The following PRSS23 variants were observed in gnomAD, a reference collection of about 807,000 sequenced individuals.
PRSS23 encodes serine protease 23.
Under a neutral mutation model 34.7 loss-of-function variants are expected in PRSS23, and 25 were observed. The ratio of observed to expected loss-of-function variants is 0.72; its 90% CI spans 0.53 to 1.01. The LOEUF (loss-of-function observed/expected upper bound fraction) is 1.01, where lower values mean the gene tolerates loss of function less well. Ranked by LOEUF, PRSS23 falls within the 50% of genes least tolerant of loss-of-function variation. PRSS23 has a pLI of 0.00. For synonymous variants in PRSS23, 176 were observed against 186.6 expected (o/e 0.94, Z 0.46); for missense variants, 445 against 475.6 (o/e 0.94, Z 0.60).
At chr11:86,793,373 G>T (rs1249185467) in intron 1 of PRSS23, among the ~76,000 whole-genome samples, 1 of 152,210 alleles carries the variant, frequency 6.6e-6, no homozygotes, top group Non-Finnish European at 1.5e-5. Context: ...CCATGGTAGA[G>T]CAACTCAGAA....
chr11:86,896,305 G>A (rs960135589), intron 2 of PRSS23: 4 of 151,414 alleles, frequency 2.6e-5, no homozygotes, highest in Non-Finnish European at 5.9e-5. Flanking sequence ...TAGGGAAGCA[G>A]AATGGAATGA....
intron 1 of PRSS23, among the ~76,000 whole-genome samples, chr11:86,817,150 T>G (rs1565354134): frequency 6.6e-6 from 1 of 152,200 alleles, no homozygotes; most frequent in Admixed American, 6.5e-5. Flanking sequence ...TTGTGATTTT[T>G]TTTATTGCCT....
intron 2 of PRSS23, among the ~76,000 whole-genome samples, chr11:86,859,956 G>T (rs1948601527): frequency 6.6e-6 from 1 of 151,992 alleles, no homozygotes; most frequent in Non-Finnish European, 1.5e-5. Context: ...AAGGAAGGAA[G>T]AGGATAATAT....
intron 2 of PRSS23, among the ~76,000 whole-genome samples, chr11:86,847,629 C>G (rs372424517): frequency 3.8e-4 from 58 of 152,284 alleles, no homozygotes; most frequent in Admixed American, 2.2e-3. Context: ...AAACCGGACA[C>G]TCCCTTAAGA....
chr11:86,893,203 T>C (rs1342227220), intron 2 of PRSS23, among the ~76,000 whole-genome samples: 1 of 152,200 alleles, frequency 6.6e-6, no homozygotes, highest in Non-Finnish European at 1.5e-5. Context: ...CCCCTAGAGC[T>C]TTCAAAGAGA....
intron 2 of PRSS23, chr11:86,936,503 G>A (rs1487640019): frequency 6.6e-6 from 1 of 152,202 alleles, no homozygotes; most frequent in South Asian, 2.1e-4. Flanking sequence ...CCGACCTCAG[G>A]TGATCCGACC....
intron 2 of PRSS23, chr11:86,950,412 T>C (rs1175787512): frequency 1.3e-5 from 2 of 152,496 alleles, no homozygotes; most frequent in African/African-American, 4.8e-5. Flanking sequence ...TAACATAAAA[T>C]GAAGAAAACA....
intron 2 of PRSS23, among the ~76,000 whole-genome samples, chr11:86,861,527 A>G (rs1249775466): frequency 6.6e-6 from 1 of 150,988 alleles, no homozygotes; most frequent in East Asian, 2.0e-4. Context: ...GATATTGTTC[A>G]TAATATCCAG....
chr11:86,823,466 G>T (rs1312285386), exon 2 of PRSS23: 7 of 702,338 alleles, frequency 1.0e-5, no homozygotes, highest in African/African-American at 3.5e-5. Flanking sequence ...GGGCTCAACA[G>T]TTTCGAATTC....
At chr11:86,843,598 G>A (rs1012713403) in intron 2 of PRSS23, among the ~76,000 whole-genome samples, 1 of 152,086 alleles carries the variant, frequency 6.6e-6, no homozygotes, top group African/African-American at 2.4e-5. Context: ...ATCAAAAAGT[G>A]GGCAAAGAAT....
intron 1 of PRSS23, chr11:86,823,232 C>A (rs550157670): frequency 3.3e-6 from 2 of 611,098 alleles, no homozygotes; most frequent in East Asian, 2.7e-5. Context: ...TATTCCTAAT[C>A]TGTAAAAGCA....
chr11:86,882,782 T>G (rs1200528432), intron 2 of PRSS23, among the ~76,000 whole-genome samples: 1 of 152,232 alleles, frequency 6.6e-6, no homozygotes, highest in African/African-American at 2.4e-5. Context: ...CGCCACATTG[T>G]CTTCCACAAT....
At chr11:86,949,977 C>T (rs1371832182) in intron 2 of PRSS23, 1 of 152,346 alleles carries the variant, frequency 6.6e-6, no homozygotes, top group Non-Finnish European at 1.5e-5. Context: ...ATTCTGATAA[C>T]ATTCTTATGC....
At chr11:86,791,847 G>T (rs369228812) in intron 1 of PRSS23, among the ~76,000 whole-genome samples, 2 of 152,184 alleles carry the variant, frequency 1.3e-5, no homozygotes, top group African/African-American at 4.8e-5. Flanking sequence ...CCATGTGTAA[G>T]AGCTGAAAAA....
At chr11:86,842,130 A>G (rs899036495) in intron 2 of PRSS23, among the ~76,000 whole-genome samples, 4 of 152,242 alleles carry the variant, frequency 2.6e-5, no homozygotes, top group Non-Finnish European at 5.9e-5. Context: ...TGTTCAACAT[A>G]CACAAATCAA....
intron 2 of PRSS23, among the ~76,000 whole-genome samples, chr11:86,843,487 C>T (rs1315185982): frequency 6.6e-6 from 1 of 152,116 alleles, no homozygotes; most frequent in Non-Finnish European, 1.5e-5. Flanking sequence ...AACAGGCAAC[C>T]TACAGAATGG....
At chr11:86,920,943 T>C (rs966176874) in intron 2 of PRSS23, among the ~76,000 whole-genome samples, 3 of 152,192 alleles carry the variant, frequency 2.0e-5, no homozygotes, top group African/African-American at 7.2e-5. Flanking sequence ...TCAGCGCCAT[T>C]TGCTACAGTA....
rs1326993124 is a variant in PRSS23 at position 86,823,376 on chromosome 11, G to C, written c.-11-1G>C. On this transcript the variant is annotated splice_acceptor_variant, in intron 1 of 2. Coordinates refer to the PRSS23 transcript ENST00000533902. LOFTEE classifies it low-confidence loss of function (5UTR_SPLICE). ...CTGTCTCTGTGTTTCATCTACTTCA[G>C]ATGGCTCCCTAATGAGTAGAATGAG... 4 of 702,112 alleles carry C rather than the reference G, an allele frequency of 5.7e-6. No homozygotes were observed. The highest frequency in any genetic ancestry group is 1.7e-5 in the African/African-American group (1 of 57,246). The allele number at this position is 702,112 out of a possible 1,614,324, so 43.5% of individuals were successfully genotyped here.
At chr11:86,834,055 C>A (rs576845684) in intron 2 of PRSS23, among the ~76,000 whole-genome samples, 1 of 152,090 alleles carries the variant, frequency 6.6e-6, no homozygotes, top group East Asian at 1.9e-4. Flanking sequence ...TTTACAGCTT[C>A]GATTCTGGAA....
Sources: allele counts gnomAD v4.1 joint callset (sites outside exome capture counted in the v4.1 genomes callset), GRCh38; gene constraint gnomAD v4.1.1; transcripts MANE v1.5; gene names NCBI Gene and HGNC (gene_info 2026-07-23, HGNC 2026-07-21).